GHRL: variants seen among roughly 807,000 people sequenced by gnomAD.
GHRL encodes the protein ghrelin and obestatin prepropeptide, also known as appetite-regulating hormone.
A neutral mutation model predicts 16.9 loss-of-function variants in GHRL; 24 were observed. That is an observed-to-expected ratio of 1.42 (90% confidence interval 1.03 to 2.00). The LOEUF (loss-of-function observed/expected upper bound fraction) is 2.00. GHRL is among the 30% of genes most tolerant of loss of function. GHRL has a pLI of 0.00. For synonymous variants in GHRL, 63 were observed against 58.2 expected, an observed-to-expected ratio of 1.08 and a Z score of -0.37; for missense variants, 193 against 142.1, an observed-to-expected ratio of 1.36 and a Z score of -1.82.
intron 4 of GHRL, 150 bp downstream of exon 4, chr3:10,289,612 G>C: frequency 1.4e-6 from 1 of 708,032 alleles, no homozygotes; most frequent in Non-Finnish European, 2.6e-6. Flanking sequence ...ACAGAGCCCA[G>C]GGCAGAGCTC....
Position 10,287,622 on chromosome 3 carries a change from C to T in GHRL, c.226-810G>A, listed in dbSNP as rs368489981. 8.3e-4 allele frequency: 127 copies of T among 153,810 alleles called. 2 individuals are homozygous for T. Among genetic ancestry groups the T allele is most frequent in the Non-Finnish European group, 1.1e-3 (78 of 68,072 alleles). The allele number at this position is 153,810 out of a possible 1,614,324, so 9.5% of individuals were successfully genotyped here. ...TCAGGGAAGGATCTTAGTGCTGGGT[C>T]ATTTGGTCCTCACAGTAGAAGCCCA... On this transcript the variant is annotated intron_variant, in intron 4 of 5. Transcript: ENST00000335542.
At chr3:10,292,706 G>T in intron 1 of GHRL, 136 bp downstream of exon 1, 1 of 635,030 alleles carries the variant, frequency 1.6e-6, no homozygotes, top group Non-Finnish European at 2.8e-6. Flanking sequence ...TGGAGAGGGT[G>T]GAGAGAGGTC....
At chr3:10,287,487 T>C (rs563174879) in intron 4 of GHRL, 58 of 153,844 alleles carry the variant, frequency 3.8e-4, no homozygotes, top group African/African-American at 1.3e-3. Flanking sequence ...TTTGGGTAAG[T>C]GGGAAGGAGC....
Position 10,291,435 on chromosome 3 carries a change from A to G in GHRL, c.-749T>C. ...TATTTTAGCGGATGCCTCTTCTGAG[A>G]GGGAAGTGCATTGGACCTGGAGGTG... On this transcript the variant is annotated 5_prime_UTR_variant, in exon 2 of 6. Coordinates refer to ENST00000335542, the MANE Select transcript of GHRL (RefSeq NM_016362.5). 1.0e-6 allele frequency: 1 copy of G among 985,502 alleles called. No individual in the cohort carries two copies. The highest frequency in any genetic ancestry group is 1.2e-6 in the Non-Finnish European group (1 of 829,984). 61.0% of individuals were successfully genotyped at this position (985,502 alleles called of 1,614,324 possible). A position where few individuals can be genotyped will look rare whatever the true frequency, so the allele number is the denominator to read the frequency against.
intron 4 of GHRL, 77 bp downstream of exon 4, chr3:10,289,685 A>G (rs575035852): frequency 4.4e-6 from 4 of 903,334 alleles, no homozygotes; most frequent in Non-Finnish European, 7.5e-6. Flanking sequence ...GTTCACTGCC[A>G]CCTCTCCCTG....
intron 1 of GHRL, 96 bp from the exon 2 acceptor site, chr3:10,291,547 T>C: frequency 1.2e-6 from 1 of 827,230 alleles, no homozygotes; most frequent in Non-Finnish European, 1.5e-6. Flanking sequence ...CCCAGAGTCT[T>C]TGAGGGTGAA....
rs1698969929 is a variant in GHRL, at chr3:10,285,820, AAAGC to A, written c.*51_*54del. 1.3e-6 allele frequency: 2 copies of A among 1,518,690 alleles called. No individual in the cohort carries two copies. Among genetic ancestry groups the A allele is most frequent in the Admixed American group, 1.7e-5 (1 of 59,572 alleles). 94.1% of individuals were successfully genotyped at this position (1,518,690 alleles called of 1,614,324 possible). On this transcript the variant is annotated 3_prime_UTR_variant, in exon 6 of 6. Coordinates refer to ENST00000335542, the MANE Select transcript of GHRL (RefSeq NM_016362.5). ...TGGGAGTTGCTGCAGAAGCAAGCGA[AAAGC>A]CAGATGAGCGCTTCTAAACTTAGAG...
intron 4 of GHRL, chr3:10,287,499 C>G (rs1309246552): frequency 6.5e-6 from 1 of 153,894 alleles, no homozygotes; most frequent in East Asian, 1.9e-4. Context: ...GGAAGGAGCT[C>G]TGCTGCAGCC....
In GHRL at chr3:10,285,715, C is replaced by T; in HGVS notation, c.*160G>A. The T allele has an allele frequency of 4.1e-5, 24 of 583,188 alleles. No individual in the cohort carries two copies. Among genetic ancestry groups the T allele is most frequent in the South Asian group, 1.0e-4 (4 of 39,036 alleles). 36.1% of individuals were successfully genotyped at this position (583,188 alleles called of 1,614,324 possible). ...TTTTAAAGTAAAATATTAACTTTTC[C>T]TCTTTGAAATAAATTCCCATTTGGA... On this transcript the variant is annotated 3_prime_UTR_variant, in exon 6 of 6. Coordinates refer to ENST00000335542, the MANE Select transcript of GHRL (RefSeq NM_016362.5).
rs1189384173 is a variant in GHRL, at chr3:10,290,198, A to G, written c.-18T>C. 1 of 1,602,958 alleles carries G rather than the reference A, an allele frequency of 6.2e-7. No homozygotes were observed. The highest frequency in any genetic ancestry group is 8.5e-7 in the Non-Finnish European group (1 of 1,176,206). On this transcript the variant is annotated 5_prime_UTR_variant, in exon 3 of 6. Coordinates refer to ENST00000335542, the MANE Select transcript of GHRL (RefSeq NM_016362.5). ...GAGGGCATGGCCTCAGCTGGGTTGCAGACAGGTGGGCCTGGGGGAGAGAGG... is the reference window on the plus strand; with the variant it reads ...GAGGGCATGGCCTCAGCTGGGTTGCGGACAGGTGGGCCTGGGGGAGAGAGG...
In GHRL at chr3:10,291,067, G is replaced by A. The variant is rs4684678; in HGVS notation, c.-381C>T. 664 of 985,554 alleles carry A rather than the reference G, an allele frequency of 6.7e-4. 8 individuals carry two copies. In the East Asian group the frequency reaches 0.035, roughly 51 times the overall value. The allele number at this position is 985,554 out of a possible 1,614,324, so 61.1% of individuals were successfully genotyped here. On this transcript the variant is annotated 5_prime_UTR_variant, in exon 2 of 6. Transcript: ENST00000335542. The stretch of plus-strand genomic sequence containing the variant: ...GTTGCTGTGTGACCTTAGCTTACTC[G>A]CCCTTTCTCCCTGGGTAAAATGAGG...
intron 4 of GHRL, chr3:10,287,598 C>T (rs527342488): frequency 1.3e-5 from 2 of 153,886 alleles, no homozygotes; most frequent in South Asian, 4.1e-4. Context: ...TTATCTGAGT[C>T]AGGGAAGGAT....
intron 1 of GHRL, 79 bp downstream of exon 1, chr3:10,292,763 A>G: frequency 1.2e-6 from 1 of 839,186 alleles, no homozygotes; most frequent in Non-Finnish European, 1.9e-6. Context: ...CCACCAACCC[A>G]TAAAAAAAAA....
At position 10,286,643 on chromosome 3, in the gene GHRL, G is replaced by T; in HGVS notation, c.334+61C>A. ...GGTTGGGGAAAACTCATCACCCACA[G>T]AGTGAACTCCCATGTGGGGCTGCAA... On this transcript the variant is annotated intron_variant, in intron 5 of 5. Coordinates refer to ENST00000335542, the MANE Select transcript of GHRL (RefSeq NM_016362.5). 11 of 856,354 alleles carry T rather than the reference G, an allele frequency of 1.3e-5. No individual in the cohort carries two copies. In the South Asian group the frequency reaches 1.5e-4, roughly 12 times the overall value. 53.0% of individuals were successfully genotyped at this position (856,354 alleles called of 1,614,324 possible).
At chr3:10,289,953 G>T (rs890521356) in intron 3 of GHRL, 75 bp from the exon 4 acceptor site, 2 of 1,492,490 alleles carry the variant, frequency 1.3e-6, no homozygotes, top group Non-Finnish European at 9.3e-7. Context: ...CAGACCCAGA[G>T]TCCTTTGTGC....
chr3:10,289,897 C>G lies in GHRL; in HGVS notation c.109-19G>C. ...TTCTCTGCTGGAAGGGGGAAACAGTCTGTTTAGGACTCTAAGCCCCCATGT... is the reference window on the plus strand; with the variant it reads ...TTCTCTGCTGGAAGGGGGAAACAGTGTGTTTAGGACTCTAAGCCCCCATGT... On this transcript the variant is annotated intron_variant, in intron 3 of 5. Transcript: ENST00000335542. The G allele has an allele frequency of 6.4e-7, 1 of 1,573,730 alleles. No homozygotes were observed. Among genetic ancestry groups the G allele is most frequent in the Admixed American group, 1.7e-5 (1 of 59,264 alleles).
chr3:10,286,623 G>T, intron 5 of GHRL, 81 bp downstream of exon 5: 3 of 737,352 alleles, frequency 4.1e-6, no homozygotes, highest in East Asian at 2.6e-5. Flanking sequence ...GCAGAGGTTG[G>T]GGAAAACTCA....
chr3:10,285,774 C>A lies in GHRL; in HGVS notation c.*101G>T. 1 of 879,350 alleles carries A rather than the reference C, an allele frequency of 1.1e-6. No homozygotes were observed. The highest frequency in any genetic ancestry group is 1.9e-6 in the Non-Finnish European group (1 of 521,596). 54.5% of individuals were successfully genotyped at this position (879,350 alleles called of 1,614,324 possible). The stretch of plus-strand genomic sequence containing the variant: ...ATACAGTTTGAACATTTATTCGCCT[C>A]CTGAGCTTGTACAACAGTCGTGGGA... On this transcript the variant is annotated 3_prime_UTR_variant, in exon 6 of 6. Coordinates refer to ENST00000335542, the MANE Select transcript of GHRL (RefSeq NM_016362.5).
In GHRL at chr3:10,286,742, C is replaced by T. The variant is rs1699135031; in HGVS notation, c.296G>A (p.Gly99Glu). The change falls in exon 5 of 6, where the codon GGG becomes GAG. Residue 99 changes from glycine to glutamate, a missense_variant. By Grantham distance (98) the Gly-to-Glu change is moderately conservative (BLOSUM62 -2). Coordinates refer to ENST00000335542, the MANE Select transcript of GHRL (RefSeq NM_016362.5). ...VQYQQHSQAL[G>E]KFLQDILWEE... ...CCAGAGGATGTCCTGAAGAAACTTCCCCAGGGCCTGGCTGTGCTGCTGGTA... is the reference window on the plus strand; with the variant it reads ...CCAGAGGATGTCCTGAAGAAACTTCTCCAGGGCCTGGCTGTGCTGCTGGTA... The T allele has an allele frequency of 6.2e-7, 1 of 1,612,144 alleles. No homozygotes were observed. Among genetic ancestry groups the T allele is most frequent in the Admixed American group, 1.7e-5 (1 of 60,026 alleles).
Sources: allele counts gnomAD v4.1 joint callset, GRCh38; gene constraint gnomAD v4.1.1; transcripts MANE v1.5; gene names NCBI Gene and HGNC (gene_info 2026-07-23, HGNC 2026-07-21).